SESN3: variants seen among roughly 807,000 people sequenced by gnomAD.
SESN3 encodes sestrin-3.
Under a neutral mutation model 55.3 loss-of-function variants are expected in SESN3, and 21 were observed. The observed-to-expected ratio is 0.38, with a 90% confidence interval of 0.27 to 0.55. The LOEUF is 0.55. Among genes scored for constraint, SESN3 ranks in the 20% least tolerant of loss-of-function variants. The probability of loss-of-function intolerance (pLI) is 0.76; values close to 1 mark genes in which losing one functional copy is unlikely to be tolerated. For missense variants in SESN3, 408 were observed against 604.3 expected (o/e 0.68, Z 3.41); for synonymous variants, 181 against 203.1 (o/e 0.89, Z 0.93).
intron 1 of SESN3, among the ~76,000 whole-genome samples, chr11:95,200,616 G>A (rs1463023803): frequency 6.6e-6 from 1 of 151,946 alleles, no homozygotes; most frequent in Non-Finnish European, 1.5e-5. Flanking sequence ...ACTCCAAAGA[G>A]CACTCAAAAT....
chr11:95,223,110 T>C (rs761013790), intron 1 of SESN3, among the ~76,000 whole-genome samples: 5 of 152,124 alleles, frequency 3.3e-5, no homozygotes, highest in Admixed American at 2.0e-4. Flanking sequence ...TGAATGCAGG[T>C]AGTTGCTGGC....
intron 5 of SESN3, 21 bp from the exon 6 acceptor site, chr11:95,184,615 G>A (rs746180570): frequency 2.5e-6 from 4 of 1,606,050 alleles, no homozygotes; most frequent in South Asian, 1.1e-5. Context: ...ATAAGATAAT[G>A]TTGGGTGCTA....
chr11:95,203,015 CA>C (rs1183610730), intron 1 of SESN3, among the ~76,000 whole-genome samples: 2 of 151,994 alleles, frequency 1.3e-5, no homozygotes, highest in Non-Finnish European at 2.9e-5. Flanking sequence ...TAATATTACT[CA>C]GTCGATGGTT....
intron 6 of SESN3, 23 bp downstream of exon 6, chr11:95,184,397 G>GGCAAAAAAGT: frequency 6.2e-7 from 1 of 1,611,480 alleles, no homozygotes; most frequent in Non-Finnish European, 8.5e-7. Context: ...ACAACTAAAA[G>GGCAAAAAAGT]GCAAAAAAGT....
chr11:95,227,498 C>A (rs1425672593), intron 1 of SESN3, among the ~76,000 whole-genome samples: 1 of 152,044 alleles, frequency 6.6e-6, no homozygotes, highest in African/African-American at 2.4e-5. Flanking sequence ...GCCACCATGC[C>A]CGGTCCTCAA....
chr11:95,199,560 G>T (rs781387626), intron 1 of SESN3, among the ~76,000 whole-genome samples: 51 of 151,994 alleles, frequency 3.4e-4, no homozygotes, highest in Non-Finnish European at 5.7e-4. Context: ...TAAGATACTT[G>T]TATTTGGAAG....
At chr11:95,221,286 AGAGT>A (rs1565476272) in intron 1 of SESN3, among the ~76,000 whole-genome samples, 1 of 152,148 alleles carries the variant, frequency 6.6e-6, no homozygotes, top group Non-Finnish European at 1.5e-5. Flanking sequence ...CCTGGGTGAC[AGAGT>A]GAGACTCCAA....
chr11:95,193,209 G>A (rs978993396), intron 2 of SESN3, among the ~76,000 whole-genome samples: 5 of 152,036 alleles, frequency 3.3e-5, no homozygotes, highest in African/African-American at 1.2e-4. Context: ...GATGATGAAA[G>A]AACTGTTGAC....
At chr11:95,173,648 A>AAT (rs1859897638) in intron 9 of SESN3, among the ~76,000 whole-genome samples, 2 of 152,058 alleles carry the variant, frequency 1.3e-5, no homozygotes, top group Non-Finnish European at 2.9e-5. Flanking sequence ...TACAAATTAC[A>AAT]TTTCTTTCTA....
chr11:95,215,626 C>G (rs1200285683), intron 1 of SESN3, among the ~76,000 whole-genome samples: 1 of 152,094 alleles, frequency 6.6e-6, no homozygotes, highest in Non-Finnish European at 1.5e-5. Context: ...CCTATGAATT[C>G]AACTGACCTT....
chr11:95,181,625 C>CA (rs1325415127), intron 6 of SESN3, among the ~76,000 whole-genome samples: 3 of 152,064 alleles, frequency 2.0e-5, no homozygotes, highest in African/African-American at 7.2e-5. Flanking sequence ...ACTGAAAATA[C>CA]AAAAAACAGT....
rs1169787434 is a variant in SESN3 at position 95,231,064 on chromosome 11, G to C, written c.-204C>G. On this transcript the variant is annotated 5_prime_UTR_variant, in exon 1 of 10. Coordinates refer to ENST00000536441, the MANE Select transcript of SESN3 (RefSeq NM_144665.4). Reference sequence around the variant, plus strand: ...CCACCGCGGCAGCTGCCCCAGCGACGGCGGAGACGGCGGCGGCTGCTCCTC... The same window carrying C: ...CCACCGCGGCAGCTGCCCCAGCGACCGCGGAGACGGCGGCGGCTGCTCCTC... 1 of 415,702 alleles carries C rather than the reference G, an allele frequency of 2.4e-6. No individual in the cohort carries two copies. The highest frequency in any genetic ancestry group is 4.2e-6 in the Non-Finnish European group (1 of 236,938). 25.8% of individuals were successfully genotyped at this position (415,702 alleles called of 1,614,324 possible). A position where few individuals can be genotyped will look rare whatever the true frequency, so the allele number is the denominator to read the frequency against.
intron 9 of SESN3, among the ~76,000 whole-genome samples, chr11:95,173,674 A>C (rs114118168): frequency 0.01 from 1,579 of 152,094 alleles, 35 homozygotes; most frequent in African/African-American, 0.036. Context: ...AAAATTTTAC[A>C]TGGCTAAAAA....
chr11:95,190,054 AT>A, intron 3 of SESN3, 93 bp from the exon 4 acceptor site: 1 of 888,426 alleles, frequency 1.1e-6, no homozygotes, highest in Non-Finnish European at 1.6e-6. Flanking sequence ...GGAGCTAATG[AT>A]TTTTATAGCC....
chr11:95,211,105 T>C (rs572120882), intron 1 of SESN3, among the ~76,000 whole-genome samples: 4 of 152,206 alleles, frequency 2.6e-5, no homozygotes, highest in Non-Finnish European at 4.4e-5. Flanking sequence ...TCCTGGTGCA[T>C]AGAAAAGTAT....
chr11:95,185,529 T>C, intron 4 of SESN3, 37 bp from the exon 5 acceptor site: 1 of 1,306,370 alleles, frequency 7.7e-7, no homozygotes. Context: ...AATATAAAAA[T>C]TCTAGAATGC....
At chr11:95,213,354 A>G (rs1231721015) in intron 1 of SESN3, among the ~76,000 whole-genome samples, 1 of 152,214 alleles carries the variant, frequency 6.6e-6, no homozygotes, top group Non-Finnish European at 1.5e-5. Context: ...AATGACCCCT[A>G]TACTGAGATA....
intron 1 of SESN3, chr11:95,224,601 A>G: frequency 3.5e-6 from 1 of 286,502 alleles, no homozygotes; most frequent in Middle Eastern, 5.5e-4. Context: ...ATTGCAGATT[A>G]TCAAAAAGTT....
chr11:95,212,999 T>C (rs576946229), intron 1 of SESN3, among the ~76,000 whole-genome samples: 1 of 152,360 alleles, frequency 6.6e-6, no homozygotes, highest in South Asian at 2.1e-4. Flanking sequence ...TTATAAAATA[T>C]GTGTTTATTG....
Sources: allele counts gnomAD v4.1 joint callset (sites outside exome capture counted in the v4.1 genomes callset), GRCh38; gene constraint gnomAD v4.1.1; transcripts MANE v1.5; gene names NCBI Gene and HGNC (gene_info 2026-07-23, HGNC 2026-07-21).